KLHL13: variants seen among roughly 807,000 people sequenced by gnomAD.
KLHL13 encodes the protein kelch like family member 13.
Under a neutral mutation model 37.1 loss-of-function variants are expected in KLHL13, and 10 were observed. The ratio of observed to expected loss-of-function variants is 0.27; its 90% CI spans 0.17 to 0.46. KLHL13 has a LOEUF of 0.46. Among genes scored for constraint, KLHL13 ranks in the 20% least tolerant of loss-of-function variants. The pLI is 1.00. For synonymous variants in KLHL13, 163 were observed against 181.2 expected, an observed-to-expected ratio of 0.90 and a Z score of 0.81; for missense variants, 360 against 509.3, an observed-to-expected ratio of 0.71 and a Z score of 2.82.
At chrX:118,027,596 G>A (rs2054288083) in intron 1 of KLHL13, among the ~76,000 whole-genome samples, 1 of 108,323 alleles carries the variant, frequency 9.2e-6, no homozygotes, top group Admixed American at 1.0e-4. Flanking sequence ...CTTACTATCT[G>A]CCCAGCTCAC....
chrX:118,050,465 T>C (rs1173028455), intron 1 of KLHL13, among the ~76,000 whole-genome samples: 4 of 111,958 alleles, frequency 3.6e-5, no homozygotes, highest in Non-Finnish European at 7.5e-5. Context: ...TCTTTATTTC[T>C]TTCAATTTCA....
intron 1 of KLHL13, among the ~76,000 whole-genome samples, chrX:118,105,694 G>A (rs1316931229): frequency 1.8e-5 from 2 of 111,940 alleles, no homozygotes; most frequent in African/African-American, 6.5e-5. Flanking sequence ...CTAGTAGAGT[G>A]CTTTACGTAT....
chrX:118,032,621 T>A (rs2054370545), intron 1 of KLHL13, among the ~76,000 whole-genome samples: 1 of 110,805 alleles, frequency 9.0e-6, no homozygotes, highest in Non-Finnish European at 1.9e-5. Context: ...CAAAAGTAGA[T>A]AAAACCACAA....
intron 4 of KLHL13, among the ~76,000 whole-genome samples, chrX:117,913,254 A>G (rs1410447846): frequency 8.9e-6 from 1 of 111,814 alleles, no homozygotes; most frequent in Non-Finnish European, 1.9e-5. Context: ...AAGCCTAGAC[A>G]GTATTTTTAA....
chrX:118,027,244 T>C (rs1315979445), intron 1 of KLHL13, among the ~76,000 whole-genome samples: 1 of 111,732 alleles, frequency 8.9e-6, no homozygotes, highest in Non-Finnish European at 1.9e-5. Context: ...TTCTGCTCAT[T>C]TCTCAAACAA....
chrX:117,974,030 G>A (rs1004081532), upstream of KLHL13, among the ~76,000 whole-genome samples: 1 of 110,737 alleles, frequency 9.0e-6, no homozygotes, highest in African/African-American at 3.3e-5. Context: ...GAAAGCAATG[G>A]CAAATAAAGG....
chrX:118,000,171 A>G (rs1320111387), intron 1 of KLHL13, among the ~76,000 whole-genome samples: 1 of 110,977 alleles, frequency 9.0e-6, no homozygotes, highest in Non-Finnish European at 1.9e-5. Flanking sequence ...CCTTACCCAA[A>G]ACAGACCAAT....
chrX:117,901,714 C>T (rs1230509728), intron 6 of KLHL13, 119 bp downstream of exon 7: 5 of 347,134 alleles, frequency 1.4e-5, no homozygotes, highest in East Asian at 4.4e-5. Context: ...CATGTTGGCC[C>T]GCCTGGTCTC....
upstream of KLHL13, among the ~76,000 whole-genome samples, chrX:117,977,521 A>G (rs2147917014): frequency 8.9e-6 from 1 of 111,750 alleles, no homozygotes; most frequent in Non-Finnish European, 1.9e-5. Context: ...CCCCTAAGAA[A>G]TTATCTACTT....
chrX:118,011,047 TGG>T (rs1170053599), intron 1 of KLHL13, among the ~76,000 whole-genome samples: 1 of 109,967 alleles, frequency 9.1e-6, no homozygotes, highest in African/African-American at 3.3e-5. Flanking sequence ...TACTCCAGCC[TGG>T]GTGACAGAGT....
At chrX:117,935,080 A>C (rs1006122566) in intron 2 of KLHL13, among the ~76,000 whole-genome samples, 1 of 112,591 alleles carries the variant, frequency 8.9e-6, no homozygotes, top group Non-Finnish European at 1.9e-5. Flanking sequence ...TCTTCAAAAA[A>C]TTAGACAGAA....
chrX:117,982,635 T>C (rs1220425679), intron 1 of KLHL13, among the ~76,000 whole-genome samples: 1 of 111,910 alleles, frequency 8.9e-6, no homozygotes, highest in Non-Finnish European at 1.9e-5. Context: ...TGCATAAGAA[T>C]CACATGAGGT....
chrX:118,104,921 TTAAA>T (rs1284205484), intron 1 of KLHL13, among the ~76,000 whole-genome samples: 1 of 112,662 alleles, frequency 8.9e-6, no homozygotes, highest in Non-Finnish European at 1.9e-5. Flanking sequence ...AATAAAGCCG[TTAAA>T]TATTTTTTTC....
At chrX:117,928,117 T>C (rs1461923830) in intron 2 of KLHL13, among the ~76,000 whole-genome samples, 1 of 112,165 alleles carries the variant, frequency 8.9e-6, no homozygotes, top group East Asian at 2.8e-4. Flanking sequence ...GGTAACTTCA[T>C]AATAAAGGTC....
intron 1 of KLHL13, chrX:117,983,668 T>C: frequency 2.3e-6 from 1 of 443,314 alleles, no homozygotes. Flanking sequence ...TTATAAATCC[T>C]GAACAGTTAA....
intron 1 of KLHL13, among the ~76,000 whole-genome samples, chrX:118,033,311 T>C (rs1313122304): frequency 1.8e-5 from 2 of 110,412 alleles, no homozygotes; most frequent in Non-Finnish European, 3.8e-5. Context: ...AAAGTTGAAA[T>C]GAAGGAAAAA....
At chrX:117,988,731 C>T (rs1357899659) in intron 1 of KLHL13, among the ~76,000 whole-genome samples, 1 of 111,884 alleles carries the variant, frequency 8.9e-6, no homozygotes, top group Non-Finnish European at 1.9e-5. Flanking sequence ...CTCATAACCT[C>T]CCAATCCTAA....
intron 4 of KLHL13, among the ~76,000 whole-genome samples, chrX:117,917,578 T>G (rs1931448621): frequency 8.9e-6 from 1 of 112,455 alleles, no homozygotes; most frequent in East Asian, 2.8e-4. Flanking sequence ...GGTCTCATCT[T>G]TAAATAAAAT....
At chrX:118,071,917 C>T (rs1223622371) in intron 1 of KLHL13, among the ~76,000 whole-genome samples, 2 of 108,401 alleles carry the variant, frequency 1.8e-5, no homozygotes, top group Non-Finnish European at 3.8e-5. Flanking sequence ...AGGTAATTTA[C>T]AGATTTAATG....
Sources: gnomAD v4.1 joint callset for allele counts (sites outside exome capture counted in the v4.1 genomes callset) on GRCh38, gnomAD v4.1.1 for gene constraint, MANE v1.5 for transcripts, NCBI Gene and HGNC (gene_info 2026-07-23, HGNC 2026-07-21) for gene names.